Variants in ST8SIA1 observed in about 807,000 individuals in gnomAD.
ST8SIA1 encodes ST8 alpha-N-acetyl-neuraminide alpha-2,8-sialyltransferase 1.
A neutral mutation model predicts 35.9 loss-of-function variants in ST8SIA1; 16 were observed. The observed-to-expected ratio is 0.45, with a 90% CI of 0.30 to 0.68. The LOEUF (loss-of-function observed/expected upper bound fraction) is 0.68, where lower values mean the gene tolerates loss of function less well. Ranked by LOEUF, ST8SIA1 falls within the 30% of genes least tolerant of loss-of-function variation. The probability of loss-of-function intolerance (pLI) is 0.09; values close to 1 mark genes in which losing one functional copy is unlikely to be tolerated. For synonymous variants in ST8SIA1, 170 were observed against 169.6 expected (o/e 1.00, Z -0.02); for missense variants, 383 against 453.6 (o/e 0.84, Z 1.41).
At chr12:22,323,039 T>C (rs1029921021) in intron 1 of ST8SIA1, among the ~76,000 whole-genome samples, 12 of 152,322 alleles carry the variant, frequency 7.9e-5, no homozygotes, top group Non-Finnish European at 1.3e-4. Context: ...GCTTTTTAAA[T>C]GGAGATAAAA....
At chr12:22,285,284 C>T (rs55770234) in intron 2 of ST8SIA1, among the ~76,000 whole-genome samples, 5,750 of 152,256 alleles carry the variant, frequency 0.038, 388 homozygotes, top group African/African-American at 0.13. Context: ...AACAGCAATG[C>T]CAAGTTGGGG....
At chr12:22,269,366 T>C (rs572680029) in intron 2 of ST8SIA1, among the ~76,000 whole-genome samples, 126 of 152,302 alleles carry the variant, frequency 8.3e-4, no homozygotes, top group Admixed American at 3.7e-3. Context: ...GTAATATTTG[T>C]ATATTACCTG....
rs1865012209 is a variant in ST8SIA1 at position 22,198,373 on chromosome 12, A to G, written c.*3179T>C. 1.3e-5 allele frequency: 2 copies of G among 152,118 alleles called. No individual in the cohort carries two copies. Among genetic ancestry groups the G allele is most frequent in the African/African-American group, 4.8e-5 (2 of 41,440 alleles). The allele number at this position is 152,118 out of a possible 1,614,324, so 9.4% of individuals were successfully genotyped here. ...ACCAGGCCTAATTCTGAAGGTCTTA[A>G]TTTCAGATAAACAAAGAAAGATAAT... On this transcript the variant is annotated 3_prime_UTR_variant, in exon 5 of 5. Coordinates refer to ENST00000396037, the MANE Select transcript of ST8SIA1 (RefSeq NM_003034.4).
At chr12:22,298,660 A>G (rs1362721465) in intron 1 of ST8SIA1, among the ~76,000 whole-genome samples, 1 of 152,232 alleles carries the variant, frequency 6.6e-6, no homozygotes, top group East Asian at 1.9e-4. Context: ...ATGATCATAG[A>G]CATAAACAAA....
intron 4 of ST8SIA1, among the ~76,000 whole-genome samples, chr12:22,233,359 T>C (rs1350140312): frequency 1.3e-5 from 2 of 151,980 alleles, no homozygotes; most frequent in African/African-American, 4.8e-5. Flanking sequence ...TAGAGTACTG[T>C]GGTGGTGTAT....
At position 22,330,286 on chromosome 12, in the gene ST8SIA1, T is replaced by C. The variant is rs570554977; in HGVS notation, c.236+3711A>G. 1.2e-3 allele frequency among the ~76,000 whole-genome samples: 179 copies of C among 152,366 alleles called. No individual in the cohort carries two copies. In the Middle Eastern group the frequency reaches 0.014, roughly 12 times the overall value. ...CCCCAGCACTTCACTGGTGTTTCTA[T>C]TGTTATAACAATCACGTATTAAACA... On this transcript the variant is annotated intron_variant, in intron 1 of 4. Transcript: ENST00000396037.
intron 2 of ST8SIA1, among the ~76,000 whole-genome samples, chr12:22,263,192 C>T (rs1322078010): frequency 6.6e-6 from 1 of 152,156 alleles, no homozygotes; most frequent in Non-Finnish European, 1.5e-5. Context: ...ATCTAAGCAA[C>T]GAACAGATAT....
chr12:22,227,372 G>A (rs1004344785), intron 4 of ST8SIA1, among the ~76,000 whole-genome samples: 8 of 151,826 alleles, frequency 5.3e-5, no homozygotes, highest in Non-Finnish European at 1.2e-4. Flanking sequence ...TCAGCAGTTC[G>A]AGACCAGCCT....
chr12:22,286,659 G>A, intron 2 of ST8SIA1: 1 of 431,972 alleles, frequency 2.3e-6, no homozygotes, highest in Non-Finnish European at 4.5e-6. Context: ...TTCAAAAGTG[G>A]TCAAGTTGAA....
chr12:22,311,688 T>C (rs886996021), intron 1 of ST8SIA1, among the ~76,000 whole-genome samples: 1 of 152,204 alleles, frequency 6.6e-6, no homozygotes, highest in Non-Finnish European at 1.5e-5. Context: ...ATTCATGTTT[T>C]TATTTATTTG....
intron 4 of ST8SIA1, among the ~76,000 whole-genome samples, chr12:22,207,021 T>A (rs1865117059): frequency 6.6e-6 from 1 of 152,000 alleles, no homozygotes; most frequent in Non-Finnish European, 1.5e-5. Context: ...TCCAGAAAAA[T>A]AGCTATACAG....
chr12:22,233,489 G>C (rs1362869438), intron 4 of ST8SIA1, among the ~76,000 whole-genome samples: 1 of 151,940 alleles, frequency 6.6e-6, no homozygotes, highest in African/African-American at 2.4e-5. Context: ...CTCCCCAGGA[G>C]TTTCACTCAA....
chr12:22,334,255 C>A lies in ST8SIA1; in HGVS notation c.-23G>T. ...CATCGCAGCCCCGGCGTCCCAGGGG[C>A]GGGGGCCGGGGCCTCAGCACAAAGC... On this transcript the variant is annotated 5_prime_UTR_variant, in exon 1 of 5. Coordinates refer to ENST00000396037, the MANE Select transcript of ST8SIA1 (RefSeq NM_003034.4). 1 of 1,591,630 alleles carries A rather than the reference C, an allele frequency of 6.3e-7. No individual in the cohort carries two copies. Among genetic ancestry groups the A allele is most frequent in the Non-Finnish European group, 8.6e-7 (1 of 1,166,168 alleles).
intron 4 of ST8SIA1, among the ~76,000 whole-genome samples, chr12:22,205,448 A>G (rs1411896033): frequency 6.6e-6 from 1 of 152,196 alleles, no homozygotes; most frequent in African/African-American, 2.4e-5. Flanking sequence ...GGACAAAAGT[A>G]TAGCACATTT....
chr12:22,208,621 ATAAGG>A (rs1174382367), intron 4 of ST8SIA1, among the ~76,000 whole-genome samples: 2 of 152,182 alleles, frequency 1.3e-5, no homozygotes, highest in Non-Finnish European at 2.9e-5. Context: ...GTAAAATTTG[ATAAGG>A]TAATTCTAAA....
chr12:22,274,291 A>G (rs1431352043), intron 2 of ST8SIA1, among the ~76,000 whole-genome samples: 3 of 152,236 alleles, frequency 2.0e-5, no homozygotes, highest in African/African-American at 7.2e-5. Context: ...CATTTTAAAA[A>G]GCTAACTCAA....
chr12:22,333,980 C>A lies in ST8SIA1; in HGVS notation c.236+17G>T, dbSNP rs752585815. ...GGAAAGGACGCTAGAGGGGAGGAGCCGCGAGGGCAGGAGTACCTGAACGCT... is the reference window on the plus strand; with the variant it reads ...GGAAAGGACGCTAGAGGGGAGGAGCAGCGAGGGCAGGAGTACCTGAACGCT... On this transcript the variant is annotated intron_variant, in intron 1 of 4. Transcript: ENST00000396037. The A allele has an allele frequency of 8.7e-6, 14 of 1,610,690 alleles. No homozygotes were observed. The highest frequency in any genetic ancestry group is 1.2e-5 in the Non-Finnish European group (14 of 1,177,620).
intron 1 of ST8SIA1, among the ~76,000 whole-genome samples, chr12:22,332,469 T>C (rs1192163344): frequency 6.6e-6 from 1 of 152,238 alleles, no homozygotes; most frequent in Non-Finnish European, 1.5e-5. Context: ...CTCATTTCCT[T>C]AGATCACTTG....
Position 22,193,538 on chromosome 12 carries a change from C to G in ST8SIA1, c.*8014G>C, listed in dbSNP as rs1864948558. ...AAAAAGACATGTTTTTACAGCAAAC[C>G]TCCTCCTATGACATTGCATTTAGAT... is the stretch of plus-strand genomic sequence containing the variant. On this transcript the variant is annotated 3_prime_UTR_variant, in exon 5 of 5. Transcript: ENST00000396037. 6.6e-6 allele frequency: 1 copy of G among 152,158 alleles called. No homozygotes were observed. Among genetic ancestry groups the G allele is most frequent in the African/African-American group, 2.4e-5 (1 of 41,440 alleles). The allele number at this position is 152,158 out of a possible 1,614,324, so 9.4% of individuals were successfully genotyped here.
Sources: gnomAD v4.1 joint callset for allele counts (sites outside exome capture counted in the v4.1 genomes callset) on GRCh38, gnomAD v4.1.1 for gene constraint, MANE v1.5 for transcripts, NCBI Gene and HGNC (gene_info 2026-07-23, HGNC 2026-07-21) for gene names.